Variants in ARSB observed in about 807,000 individuals in gnomAD.
ARSB encodes the protein arylsulfatase B.
ARSB carries 41 observed loss-of-function variants against 50.9 expected under a neutral mutation model. That is an observed-to-expected ratio of 0.81 (90% CI 0.63 to 1.04). The LOEUF (loss-of-function observed/expected upper bound fraction) is 1.04. ARSB is among the 50% of genes least tolerant of loss of function. The pLI, the probability that ARSB is intolerant of heterozygous loss-of-function variation, is 0.00. For missense variants in ARSB, 672 were observed against 693.3 expected (o/e 0.97, Z 0.35); for synonymous variants, 269 against 284.8 (o/e 0.94, Z 0.56).
chr5:78,958,235 G>C (rs970006985), intron 3 of ARSB, among the ~76,000 whole-genome samples: 10 of 152,094 alleles, frequency 6.6e-5, no homozygotes, highest in African/African-American at 2.4e-4. Context: ...ACAGTGGCAG[G>C]GGGCAGGGGA....
chr5:78,799,321 T>C (rs965549922), intron 6 of ARSB, among the ~76,000 whole-genome samples: 1 of 152,200 alleles, frequency 6.6e-6, no homozygotes, highest in African/African-American at 2.4e-5. Context: ...ATTCTGAGAT[T>C]GCTGAAGCCT....
chr5:78,949,409 A>C (rs1033437824), intron 4 of ARSB, among the ~76,000 whole-genome samples: 5 of 152,166 alleles, frequency 3.3e-5, no homozygotes, highest in Admixed American at 6.5e-5. Context: ...AAAGTGAGAG[A>C]AGTGGGAAAA....
chr5:78,828,196 G>C (rs1171447657), intron 6 of ARSB, among the ~76,000 whole-genome samples: 1 of 151,740 alleles, frequency 6.6e-6, no homozygotes, highest in Non-Finnish European at 1.5e-5. Flanking sequence ...CTGGGTAGCA[G>C]AATAATAGGT....
chr5:78,807,379 C>T (rs1237004134), intron 6 of ARSB, among the ~76,000 whole-genome samples: 2 of 152,144 alleles, frequency 1.3e-5, no homozygotes, highest in Non-Finnish European at 2.9e-5. Flanking sequence ...TAAAATGCTC[C>T]CATTCTGGCT....
At chr5:78,816,588 G>A (rs536323997) in intron 6 of ARSB, among the ~76,000 whole-genome samples, 1 of 152,346 alleles carries the variant, frequency 6.6e-6, no homozygotes, top group East Asian at 1.9e-4. Flanking sequence ...TTACTAATCA[G>A]AGAGCATCTG....
chr5:78,955,326 G>A lies in ARSB; in HGVS notation c.867C>T (p.Leu289=). ...NVTAALKSSG[L]WNNTVFIFST... ...AAAAGATGAACACCGTGTTGTTCCA[G>A]AGCCCACTGCTTTTTAAAGCTGCAG... The change falls in exon 4 of 8, where the codon CTC becomes CTT. Residue 289 remains leucine, a synonymous_variant. Coordinates refer to ENST00000264914, the MANE Select transcript of ARSB (RefSeq NM_000046.5). 1 of 1,614,180 alleles carries A rather than the reference G, an allele frequency of 6.2e-7. No homozygotes were observed. Among genetic ancestry groups the A allele is most frequent in the Non-Finnish European group, 8.5e-7 (1 of 1,180,030 alleles).
intron 4 of ARSB, among the ~76,000 whole-genome samples, chr5:78,918,912 C>T (rs1316372486): frequency 6.6e-6 from 1 of 152,022 alleles, no homozygotes; most frequent in Non-Finnish European, 1.5e-5. Flanking sequence ...TGAAAGTTAC[C>T]GTGATTAATC....
At chr5:78,801,388 T>C (rs1224825513) in intron 6 of ARSB, among the ~76,000 whole-genome samples, 1 of 152,134 alleles carries the variant, frequency 6.6e-6, no homozygotes, top group Non-Finnish European at 1.5e-5. Context: ...GTCAAGTAAG[T>C]CTAGACGATG....
At chr5:78,959,099 A>C (rs776245809) in intron 3 of ARSB, among the ~76,000 whole-genome samples, 4 of 152,162 alleles carry the variant, frequency 2.6e-5, no homozygotes, top group African/African-American at 4.8e-5. Context: ...GAGTTAATGG[A>C]ATCATGGGGG....
intron 4 of ARSB, among the ~76,000 whole-genome samples, chr5:78,937,049 C>A (rs1449064648): frequency 1.3e-5 from 2 of 151,890 alleles, no homozygotes; most frequent in Non-Finnish European, 2.9e-5. Context: ...TCCTCCAGTG[C>A]AGCCTGTCCA....
intron 4 of ARSB, among the ~76,000 whole-genome samples, chr5:78,936,829 G>C (rs756554173): frequency 6.6e-6 from 1 of 152,148 alleles, no homozygotes; most frequent in Admixed American, 6.5e-5. Flanking sequence ...TTAATAATTA[G>C]TTTGTCTTTG....
intron 4 of ARSB, among the ~76,000 whole-genome samples, chr5:78,941,797 A>C (rs2112436355): frequency 6.6e-6 from 1 of 152,330 alleles, no homozygotes; most frequent in South Asian, 2.1e-4. Flanking sequence ...CTGGACTCAT[A>C]AAATGAGTTA....
chr5:78,789,147 T>A (rs1290559966), intron 6 of ARSB, among the ~76,000 whole-genome samples: 1 of 152,220 alleles, frequency 6.6e-6, no homozygotes, highest in Non-Finnish European at 1.5e-5. Context: ...ATTGTACTTT[T>A]AGGAAACACA....
intron 5 of ARSB, among the ~76,000 whole-genome samples, chr5:78,861,621 T>C (rs1340668949): frequency 1.3e-5 from 2 of 152,118 alleles, no homozygotes; most frequent in African/African-American, 4.8e-5. Context: ...CTAAAAACAA[T>C]AAGAGCTATC....
intron 6 of ARSB, among the ~76,000 whole-genome samples, chr5:78,803,861 T>C (rs1037159458): frequency 6.6e-6 from 1 of 152,228 alleles, no homozygotes; most frequent in Non-Finnish European, 1.5e-5. Flanking sequence ...CATTTGATGG[T>C]TATTTATTGA....
chr5:78,985,519 C>T (rs955589360), upstream of ARSB: 2 of 265,882 alleles, frequency 7.5e-6, no homozygotes, highest in African/African-American at 2.2e-5. Context: ...GCACCAAGGC[C>T]CGTTATCTTC....
intron 4 of ARSB, among the ~76,000 whole-genome samples, chr5:78,914,105 G>C (rs2112327323): frequency 6.6e-6 from 1 of 151,900 alleles, no homozygotes; most frequent in South Asian, 2.1e-4. Context: ...TGGGATTACA[G>C]ATATGTGCCA....
intron 6 of ARSB, among the ~76,000 whole-genome samples, chr5:78,819,651 G>GGGAC (rs1393237448): frequency 1.3e-5 from 2 of 152,234 alleles, no homozygotes; most frequent in African/African-American, 2.4e-5. Flanking sequence ...CTAGACTGGA[G>GGGAC]GGTCTCCAGG....
At chr5:78,812,999 T>TATA (rs980073865) in intron 6 of ARSB, among the ~76,000 whole-genome samples, 1 of 152,078 alleles carries the variant, frequency 6.6e-6, no homozygotes, top group African/African-American at 2.4e-5. Context: ...TCAAAAAATT[T>TATA]ATAATAATAA....
Sources: allele counts gnomAD v4.1 joint callset (sites outside exome capture counted in the v4.1 genomes callset), GRCh38; gene constraint gnomAD v4.1.1; transcripts MANE v1.5; gene names NCBI Gene and HGNC (gene_info 2026-07-23, HGNC 2026-07-21).